SLCO4A1: variants seen among roughly 807,000 people sequenced by gnomAD.
The protein encoded by SLCO4A1 is solute carrier organic anion transporter family member 4A1, also known as colon organic anion transporter.
Under a neutral mutation model 64.6 loss-of-function variants are expected in SLCO4A1, and 51 were observed. The observed-to-expected ratio is 0.79, with a 90% confidence interval of 0.63 to 1.00. The LOEUF is 1.00. Among genes scored for constraint, SLCO4A1 ranks in the 50% least tolerant of loss-of-function variants. The pLI is 0.00. For synonymous variants in SLCO4A1, 471 were observed against 444.9 expected (o/e 1.06, Z -0.74); for missense variants, 919 against 980.5 (o/e 0.94, Z 0.84).
downstream of SLCO4A1, among the ~76,000 whole-genome samples, chr20:62,673,901 G>T (rs1449037529): frequency 6.6e-6 from 1 of 152,236 alleles, no homozygotes; most frequent in Non-Finnish European, 1.5e-5. Flanking sequence ...GGGGCAGTTT[G>T]TTCTGCAGCC....
At chr20:62,660,919 C>CG (rs1225769145) in intron 4 of SLCO4A1, 145 bp from the exon 5 acceptor site, 14 of 633,516 alleles carry the variant, frequency 2.2e-5, no homozygotes, top group African/African-American at 3.7e-5. Context: ...GCCGCCTCCC[C>CG]GGGGCTGCGA....
At chr20:62,652,232 G>C (rs1035763558) in intron 1 of SLCO4A1, 1 of 151,970 alleles carries the variant, frequency 6.6e-6, no homozygotes, top group Admixed American at 6.5e-5. Context: ...GCGTGTGCAC[G>C]TGTTTGTGTG....
downstream of SLCO4A1, among the ~76,000 whole-genome samples, chr20:62,673,171 G>A (rs536656186): frequency 1.2e-3 from 175 of 142,938 alleles, 12 homozygotes; most frequent in Admixed American, 0.01. Context: ...GCATGGGGGG[G>A]GCACAGAGGG....
intron 2 of SLCO4A1, among the ~76,000 whole-genome samples, chr20:62,679,548 A>T (rs1347424232): frequency 6.6e-6 from 1 of 151,976 alleles, no homozygotes; most frequent in Non-Finnish European, 1.5e-5. Context: ...TTTTTTGTAG[A>T]TAGGGTGTCT....
rs191087359 is a variant in SLCO4A1 at position 62,647,828 on chromosome 20, A to G, written c.-97+5275A>G. 5.9e-5 allele frequency among the ~76,000 whole-genome samples: 9 copies of G among 152,324 alleles called. No individual in the cohort carries two copies. The East Asian group carries it at 1.7e-3, about 29-fold the overall frequency. ...TGCCAGCCACCCGCACGTGGCCACTAGCTCCTCCCAGGTCACTGTCCTGGC... is the reference window on the plus strand; with the variant it reads ...TGCCAGCCACCCGCACGTGGCCACTGGCTCCTCCCAGGTCACTGTCCTGGC... On this transcript the variant is annotated intron_variant, in intron 1 of 11. Transcript: ENST00000217159.
At chr20:62,653,059 C>T (rs1982899857) in intron 1 of SLCO4A1, among the ~76,000 whole-genome samples, 1 of 152,236 alleles carries the variant, frequency 6.6e-6, no homozygotes. Context: ...GGGACGGTGC[C>T]TGGTACACAG....
rs1365091427 is a variant in SLCO4A1 at position 62,643,392 on chromosome 20, T to C, written c.-97+839T>C. ...TTCCACTTCCAAGGGAGAAACCGCC[T>C]CCCGCACTGGCGCCCCGAGGGGAGA... On this transcript the variant is annotated intron_variant, in intron 1 of 11. Coordinates refer to ENST00000217159, the MANE Select transcript of SLCO4A1 (RefSeq NM_016354.4). The C allele has an allele frequency of 6.6e-5, 11 of 167,442 alleles. No individual in the cohort carries two copies. In the South Asian group the frequency reaches 1.1e-3, roughly 16 times the overall value. The allele number at this position is 167,442 out of a possible 1,614,324, so 10.4% of individuals were successfully genotyped here. A position where few individuals can be genotyped will look rare whatever the true frequency, so the allele number is the denominator to read the frequency against.
At chr20:62,688,313 G>A (rs1239573790), downstream of SLCO4A1, among the ~76,000 whole-genome samples, 4 of 152,088 alleles carry the variant, frequency 2.6e-5, no homozygotes, top group South Asian at 2.1e-4. Flanking sequence ...CTCTTTGGGA[G>A]GGAGGCTGCC....
chr20:62,670,946 C>T (rs1987126606), intron 11 of SLCO4A1, among the ~76,000 whole-genome samples: 1 of 152,268 alleles, frequency 6.6e-6, no homozygotes. Flanking sequence ...GGTCCACGCC[C>T]AGCGTGGAAA....
intron 2 of SLCO4A1, 114 bp from the exon 3 acceptor site, chr20:62,658,563 G>A: frequency 1.3e-6 from 1 of 772,832 alleles, no homozygotes. Flanking sequence ...AGGGGAGTGG[G>A]CCGGAGATGC....
intron 1 of SLCO4A1, among the ~76,000 whole-genome samples, chr20:62,653,278 C>G (rs1437741824): frequency 6.6e-6 from 1 of 152,096 alleles, no homozygotes; most frequent in African/African-American, 2.4e-5. Flanking sequence ...TTTGGGGGCT[C>G]AATCCTGAGA....
At chr20:62,668,624 G>T in intron 10 of SLCO4A1, 83 bp downstream of exon 10, 1 of 1,308,718 alleles carries the variant, frequency 7.6e-7, no homozygotes, top group South Asian at 1.2e-5. Flanking sequence ...TAACCACCAA[G>T]GGGATGTGCT....
intron 6 of SLCO4A1, 80 bp downstream of exon 6, chr20:62,665,168 AG>A: frequency 6.7e-7 from 1 of 1,482,104 alleles, no homozygotes; most frequent in Non-Finnish European, 9.1e-7. Flanking sequence ...TCTTCTAGAA[AG>A]ACCCAGACAG....
chr20:62,681,946 G>A (rs757831457), intron 2 of SLCO4A1, among the ~76,000 whole-genome samples: 11 of 152,206 alleles, frequency 7.2e-5, no homozygotes, highest in Non-Finnish European at 1.5e-4. Context: ...TATGGAAAAG[G>A]GAGGTTGACC....
intron 1 of SLCO4A1, among the ~76,000 whole-genome samples, chr20:62,651,099 A>G (rs1255808308): frequency 2.0e-5 from 3 of 152,214 alleles, no homozygotes; most frequent in African/African-American, 4.8e-5. Context: ...GCGTCACTCC[A>G]CAACCCATCT....
intron 1 of SLCO4A1, among the ~76,000 whole-genome samples, chr20:62,654,876 G>A (rs1479332256): frequency 6.6e-6 from 1 of 152,192 alleles, no homozygotes; most frequent in African/African-American, 2.4e-5. Flanking sequence ...CAGGGATCAT[G>A]GTGTCTGCAA....
At chr20:62,673,189 G>C (rs1224910986), downstream of SLCO4A1, among the ~76,000 whole-genome samples, 1 of 142,626 alleles carries the variant, frequency 7.0e-6, no homozygotes, top group Non-Finnish European at 1.6e-5. Flanking sequence ...GGGCCAAGTT[G>C]GGAAATGATG....
At chr20:62,683,197 G>T (rs1191447747) in intron 2 of SLCO4A1, among the ~76,000 whole-genome samples, 1 of 152,206 alleles carries the variant, frequency 6.6e-6, no homozygotes, top group African/African-American at 2.4e-5. Flanking sequence ...TTCTCAGCTG[G>T]CTCCTGTGGT....
Position 62,672,185 on chromosome 20 carries a change from A to G in SLCO4A1, c.*292A>G. 5.3e-6 allele frequency: 7 copies of G among 1,313,518 alleles called. 1 individual carries two copies. In the South Asian group the frequency reaches 6.5e-5, roughly 12 times the overall value. 81.4% of individuals were successfully genotyped at this position (1,313,518 alleles called of 1,614,324 possible). ...TGGTGTGCGTGAGGACAAACTCCGC[A>G]GGGGCTGTGAATCCCACTGGGAGGG... On this transcript the variant is annotated 3_prime_UTR_variant, in exon 12 of 12. Coordinates refer to ENST00000217159, the MANE Select transcript of SLCO4A1 (RefSeq NM_016354.4).
Sources: allele counts gnomAD v4.1 joint callset (sites outside exome capture counted in the v4.1 genomes callset), GRCh38; gene constraint gnomAD v4.1.1; transcripts MANE v1.5; gene names NCBI Gene and HGNC (gene_info 2026-07-23, HGNC 2026-07-21).